Variants in GLG1 observed in about 807,000 individuals in gnomAD.
GLG1 encodes golgi glycoprotein 1, also known as Golgi apparatus protein 1.
Under a neutral mutation model 160.5 loss-of-function variants are expected in GLG1, and 38 were observed. That is an observed-to-expected ratio of 0.24 (90% confidence interval 0.18 to 0.31). GLG1 has a LOEUF of 0.31. Among genes scored for constraint, GLG1 ranks in the 10% least tolerant of loss-of-function variants. The pLI is 1.00. For missense variants in GLG1, 1,373 were observed against 1,505.2 expected, an observed-to-expected ratio of 0.91 and a Z score of 1.45; for synonymous variants, 644 against 543.4, an observed-to-expected ratio of 1.19 and a Z score of -2.57.
intron 3 of GLG1, among the ~76,000 whole-genome samples, 188 bp from the exon 4 acceptor site, chr16:74,503,934 T>C (rs894924563): frequency 6.6e-6 from 1 of 152,118 alleles, no homozygotes; most frequent in Non-Finnish European, 1.5e-5. Context: ...TAAAGAAAAA[T>C]AGTGTCATCC....
chr16:74,457,270 G>A (rs905414176), intron 24 of GLG1, among the ~76,000 whole-genome samples: 1 of 152,138 alleles, frequency 6.6e-6, no homozygotes, highest in African/African-American at 2.4e-5. Flanking sequence ...GGTGGTGGGT[G>A]CCTGTAGTCT....
At chr16:74,566,374 C>T (rs549061306) in intron 1 of GLG1, among the ~76,000 whole-genome samples, 35 of 152,188 alleles carry the variant, frequency 2.3e-4, no homozygotes, top group African/African-American at 8.4e-4. Context: ...TTTTTGTCCC[C>T]AAGCCAGTTC....
chr16:74,459,858 T>C, intron 22 of GLG1, 69 bp from the exon 23 acceptor site: 2 of 777,690 alleles, frequency 2.6e-6, no homozygotes, highest in Non-Finnish European at 2.1e-6. Flanking sequence ...TTTCTTCTTT[T>C]TTTTTTTTAT....
At chr16:74,480,543 C>T in intron 10 of GLG1, 149 bp from the exon 11 acceptor site, 1 of 551,910 alleles carries the variant, frequency 1.8e-6, no homozygotes, top group Non-Finnish European at 3.1e-6. Flanking sequence ...AAGTATATTC[C>T]TGAATTTTGT....
At chr16:74,579,582 T>A (rs1426794554) in intron 1 of GLG1, among the ~76,000 whole-genome samples, 1 of 151,232 alleles carries the variant, frequency 6.6e-6, no homozygotes, top group Non-Finnish European at 1.5e-5. Flanking sequence ...GTTAGCCAGG[T>A]GTAGTGGCAC....
intron 1 of GLG1, among the ~76,000 whole-genome samples, chr16:74,597,203 C>G (rs1432530561): frequency 4.0e-5 from 6 of 151,464 alleles, no homozygotes; most frequent in Non-Finnish European, 8.8e-5. Flanking sequence ...GAGGCCGAGG[C>G]GGGAGGATCA....
intron 1 of GLG1, among the ~76,000 whole-genome samples, chr16:74,533,772 T>C (rs140596457): frequency 5.3e-5 from 8 of 152,032 alleles, no homozygotes; most frequent in African/African-American, 1.4e-4. Context: ...CAGAGCGAGA[T>C]TCCATCTCAA....
chr16:74,460,508 G>A (rs1469251522), intron 22 of GLG1, among the ~76,000 whole-genome samples: 1 of 152,186 alleles, frequency 6.6e-6, no homozygotes, highest in African/African-American at 2.4e-5. Flanking sequence ...ATCAGCTCTG[G>A]ACACCGCAGG....
intron 19 of GLG1, among the ~76,000 whole-genome samples, chr16:74,463,731 T>TG (rs57924564): frequency 0.34 from 48,258 of 140,908 alleles, 8,374 homozygotes; most frequent in South Asian, 0.53. Context: ...TTTGTGTTTT[T>TG]TTTGTTGTTG....
At position 74,453,321 on chromosome 16, in the gene GLG1, T is replaced by C. The variant is rs2014399882; in HGVS notation, c.3386A>G (p.Asp1129Gly). Residue 1129 changes from aspartate (D) to glycine (G), a missense_variant, in exon 26 of 26, where the codon GAT (aspartate) becomes GGT (glycine). By Grantham distance (94) the Asp-to-Gly change is moderately conservative. Coordinates refer to ENST00000422840, the MANE Select transcript of GLG1 (RefSeq NM_001145667.2). ...WSYAAKVAPA[D>G]GFSDLAMQVM... ...TTGCATGGCAAGATCAGAGAAGCCA[T>C]CTGCTGGGGCCACCTAGAATGACAC... The C allele has an allele frequency of 6.2e-7, 1 of 1,612,340 alleles. No individual in the cohort carries two copies. The highest frequency in any genetic ancestry group is 8.5e-7 in the Non-Finnish European group (1 of 1,178,382).
intron 1 of GLG1, among the ~76,000 whole-genome samples, chr16:74,541,126 C>G (rs572222050): frequency 1.3e-5 from 2 of 152,044 alleles, no homozygotes; most frequent in South Asian, 4.2e-4. Context: ...GTGTTCGAGA[C>G]CAGCCTGGCC....
chr16:74,573,148 A>G (rs1204824037), intron 1 of GLG1, among the ~76,000 whole-genome samples: 1 of 152,208 alleles, frequency 6.6e-6, no homozygotes, highest in Non-Finnish European at 1.5e-5. Context: ...TAATTGACAC[A>G]TAAGCCCAGC....
chr16:74,560,573 C>T (rs1446641744), intron 1 of GLG1, among the ~76,000 whole-genome samples: 1 of 152,194 alleles, frequency 6.6e-6, no homozygotes, highest in Admixed American at 6.5e-5. Context: ...GAACTGACCT[C>T]AGGTGATCTG....
In GLG1 at chr16:74,492,968, G is replaced by C. The variant is rs763207393; in HGVS notation, c.1223C>G (p.Ala408Gly). 8.7e-6 allele frequency: 14 copies of C among 1,607,750 alleles called. No individual in the cohort carries two copies. Among genetic ancestry groups the C allele is most frequent in the Non-Finnish European group, 1.1e-5 (13 of 1,176,916 alleles). Residue 408 changes from alanine (A) to glycine (G), a missense_variant, in exon 7 of 26, where the codon GCT (alanine) becomes GGT (glycine). Physicochemically the swap from Ala to Gly is moderately conservative, Grantham distance 60 (BLOSUM62 0). Coordinates refer to ENST00000422840, the MANE Select transcript of GLG1 (RefSeq NM_001145667.2). ...LSYLLMCLES[A>G]VHRGRQVSSE... Reference sequence around the variant, plus strand: ...AATATGAATGCTACCTCTGTGTACAGCTGACTCCAGGCACATTAACAAGTA... The same window carrying C: ...AATATGAATGCTACCTCTGTGTACACCTGACTCCAGGCACATTAACAAGTA...
At chr16:74,492,182 C>G (rs1756609021) in intron 7 of GLG1, among the ~76,000 whole-genome samples, 2 of 146,636 alleles carry the variant, frequency 1.4e-5, no homozygotes, top group African/African-American at 5.0e-5. Flanking sequence ...GTCAGGAGAT[C>G]GAGACTATCA....
At chr16:74,460,651 A>C (rs900317304) in intron 22 of GLG1, among the ~76,000 whole-genome samples, 2 of 152,158 alleles carry the variant, frequency 1.3e-5, no homozygotes, top group African/African-American at 2.4e-5. Flanking sequence ...GGCTCATCAC[A>C]AACAGTTTCC....
intron 15 of GLG1, among the ~76,000 whole-genome samples, chr16:74,470,446 ATTTTTTTT>A (rs538522906): frequency 1.1e-3 from 106 of 93,694 alleles, no homozygotes; most frequent in African/African-American, 2.9e-3. Flanking sequence ...TATATTTGTA[ATTTTTTTT>A]TTTTTTTTTT....
intron 1 of GLG1, among the ~76,000 whole-genome samples, chr16:74,604,413 C>T (rs1362719579): frequency 6.6e-6 from 1 of 152,148 alleles, no homozygotes; most frequent in Non-Finnish European, 1.5e-5. Context: ...GGTACTTGAG[C>T]GTCCTTGGAT....
At chr16:74,589,444 G>C (rs535758820) in intron 1 of GLG1, among the ~76,000 whole-genome samples, 1 of 152,106 alleles carries the variant, frequency 6.6e-6, no homozygotes, top group Non-Finnish European at 1.5e-5. Context: ...AAGGGCACTG[G>C]GAAATATTTT....
Sources: allele counts gnomAD v4.1 joint callset (sites outside exome capture counted in the v4.1 genomes callset), GRCh38; gene constraint gnomAD v4.1.1; transcripts MANE v1.5; gene names NCBI Gene and HGNC (gene_info 2026-07-23, HGNC 2026-07-21).